The following HECW1 variants were observed in gnomAD, a reference collection of about 807,000 sequenced individuals.
The protein encoded by HECW1 is HECT, C2 and WW domain containing E3 ubiquitin protein ligase 1, also known as E3 ubiquitin-protein ligase HECW1.
A neutral mutation model predicts 182.3 loss-of-function variants in HECW1; 61 were observed. That is an observed-to-expected ratio of 0.33 (90% CI 0.27 to 0.41). The LOEUF is 0.41. HECW1 is among the 10% of genes least tolerant of loss of function. The pLI is 1.00. For missense variants in HECW1, 1,739 were observed against 2,108.9 expected, an observed-to-expected ratio of 0.82 and a Z score of 3.44; for synonymous variants, 859 against 832.6, an observed-to-expected ratio of 1.03 and a Z score of -0.55.
intron 1 of HECW1, chr7:43,113,720 G>C (rs1444947225): frequency 4.6e-6 from 1 of 215,464 alleles, no homozygotes. Flanking sequence ...TGCGCTTCCT[G>C]CTACCCCCAC....
At chr7:43,402,136 C>A (rs969089610) in intron 7 of HECW1, among the ~76,000 whole-genome samples, 3 of 152,148 alleles carry the variant, frequency 2.0e-5, no homozygotes, top group Non-Finnish European at 4.4e-5. Context: ...CCTGCATTCA[C>A]CATCCTTCAG....
At chr7:43,350,314 C>T (rs930508719) in intron 5 of HECW1, among the ~76,000 whole-genome samples, 2 of 152,106 alleles carry the variant, frequency 1.3e-5, no homozygotes, top group Non-Finnish European at 2.9e-5. Context: ...TTCATCTTAA[C>T]TTTAGATAAC....
chr7:43,308,673 G>T (rs551473337), intron 3 of HECW1, among the ~76,000 whole-genome samples: 84 of 151,058 alleles, frequency 5.6e-4, no homozygotes, highest in Non-Finnish European at 1.1e-3. Context: ...TTGCCCAGGA[G>T]TGCAGTGGCA....
intron 16 of HECW1, among the ~76,000 whole-genome samples, chr7:43,471,220 T>C (rs1293482407): frequency 6.6e-6 from 1 of 152,098 alleles, no homozygotes; most frequent in Non-Finnish European, 1.5e-5. Flanking sequence ...GGGGAATAGA[T>C]TGAGAAAAGT....
At chr7:43,145,016 T>G (rs1788548102) in intron 2 of HECW1, among the ~76,000 whole-genome samples, 1 of 152,108 alleles carries the variant, frequency 6.6e-6, no homozygotes, top group Non-Finnish European at 1.5e-5. Context: ...TGTCCTTTCA[T>G]TTTTTTTAAC....
rs1347163029 is a variant in HECW1, at chr7:43,360,869, TTTTG to T, written c.461-11_461-8del. On this transcript the variant is annotated splice_polypyrimidine_tract_variant and intron_variant, in intron 5 of 29. Transcript: ENST00000395891. ...TTACACCCTACTTCTCAGTCTCATT[TTTTG>T]TTTGTCTTTCAGCTGAAACTAAGAT... is the stretch of plus-strand genomic sequence containing the variant. 6.2e-7 allele frequency: 1 copy of T among 1,605,142 alleles called. No individual in the cohort carries two copies.
At chr7:43,175,006 G>T (rs1282783831) in intron 2 of HECW1, among the ~76,000 whole-genome samples, 1 of 152,006 alleles carries the variant, frequency 6.6e-6, no homozygotes, top group Non-Finnish European at 1.5e-5. Context: ...CCAAACTCAA[G>T]GATTAGAACA....
intron 6 of HECW1, among the ~76,000 whole-genome samples, chr7:43,381,254 T>C (rs566732940): frequency 5.3e-5 from 8 of 152,322 alleles, no homozygotes; most frequent in African/African-American, 1.9e-4. Context: ...CTTTGTTATA[T>C]ATCTTCTACC....
At chr7:43,226,036 G>A (rs921364466) in intron 2 of HECW1, among the ~76,000 whole-genome samples, 2 of 152,116 alleles carry the variant, frequency 1.3e-5, no homozygotes, top group Non-Finnish European at 2.9e-5. Flanking sequence ...GCCTCCCAAA[G>A]TACTGGGATT....
At chr7:43,285,870 T>C (rs1400309800) in intron 3 of HECW1, among the ~76,000 whole-genome samples, 1 of 152,194 alleles carries the variant, frequency 6.6e-6, no homozygotes, top group Non-Finnish European at 1.5e-5. Context: ...GATAGCAAGC[T>C]AACTCTTTTT....
At chr7:43,186,689 G>A (rs78213822) in intron 2 of HECW1, among the ~76,000 whole-genome samples, 61 of 141,304 alleles carry the variant, frequency 4.3e-4, no homozygotes, top group African/African-American at 1.7e-3. Flanking sequence ...AAAAAAAAAA[G>A]GATTATCATA....
intron 6 of HECW1, among the ~76,000 whole-genome samples, chr7:43,362,384 T>C (rs1017657186): frequency 6.6e-5 from 10 of 152,110 alleles, no homozygotes; most frequent in African/African-American, 1.9e-4. Flanking sequence ...CCGGAACTCA[T>C]AGCGGGAAGC....
At chr7:43,321,974 T>C (rs2152781967) in intron 5 of HECW1, among the ~76,000 whole-genome samples, 1 of 152,374 alleles carries the variant, frequency 6.6e-6, no homozygotes, top group South Asian at 2.1e-4. Flanking sequence ...GAGGAAATTT[T>C]TATGCTATCA....
At chr7:43,466,042 A>AGG (rs1271987621) in intron 14 of HECW1, among the ~76,000 whole-genome samples, 2 of 81,748 alleles carry the variant, frequency 2.4e-5, no homozygotes, top group Non-Finnish European at 4.9e-5. Context: ...GAAGGAAGGA[A>AGG]GGGGGAAGGA....
At chr7:43,467,380 C>T (rs962824982) in intron 15 of HECW1, among the ~76,000 whole-genome samples, 11 of 152,008 alleles carry the variant, frequency 7.2e-5, no homozygotes, top group Admixed American at 5.9e-4. Flanking sequence ...AGGATGCACC[C>T]GTGAGGAGGC....
At chr7:43,522,803 G>T (rs2152940021) in intron 24 of HECW1, among the ~76,000 whole-genome samples, 1 of 152,348 alleles carries the variant, frequency 6.6e-6, no homozygotes, top group East Asian at 1.9e-4. Context: ...CACAGGGAAT[G>T]ACAGCAATGC....
At chr7:43,439,557 T>A (rs1469812670) in intron 9 of HECW1, 2 of 152,550 alleles carry the variant, frequency 1.3e-5, no homozygotes. Flanking sequence ...AGGGGCTGTG[T>A]GGGATTCTTT....
At chr7:43,205,353 T>C (rs1245263208) in intron 2 of HECW1, among the ~76,000 whole-genome samples, 2 of 152,136 alleles carry the variant, frequency 1.3e-5, no homozygotes, top group Non-Finnish European at 2.9e-5. Flanking sequence ...AAACAAACAA[T>C]AAATTCTTTC....
At chr7:43,478,841 A>G (rs759532439) in intron 16 of HECW1, among the ~76,000 whole-genome samples, 1 of 152,192 alleles carries the variant, frequency 6.6e-6, no homozygotes, top group Non-Finnish European at 1.5e-5. Flanking sequence ...ATTATTAATT[A>G]CTAGTATTAT....
Sources: allele counts gnomAD v4.1 joint callset (sites outside exome capture counted in the v4.1 genomes callset), GRCh38; gene constraint gnomAD v4.1.1; transcripts MANE v1.5; gene names NCBI Gene and HGNC (gene_info 2026-07-23, HGNC 2026-07-21).